SFR1: variants seen among roughly 807,000 people sequenced by gnomAD.
SFR1 encodes the protein swi5-dependent recombination DNA repair protein 1 homolog.
In SFR1, 24 loss-of-function variants were observed where a neutral mutation model predicts 26.2. The observed-to-expected ratio is 0.92, with a 90% confidence interval of 0.66 to 1.29. The LOEUF (loss-of-function observed/expected upper bound fraction) is 1.29. SFR1 is among the 50% of genes most tolerant of loss of function. The pLI, the probability that SFR1 is intolerant of heterozygous loss-of-function variation, is 0.00. For missense variants in SFR1, 276 were observed against 270.2 expected (o/e 1.02, Z -0.15); for synonymous variants, 77 against 96.6 (o/e 0.80, Z 1.19).
In SFR1 at chr10:104,123,839, A is replaced by G; in HGVS notation, c.261A>G (p.Pro87=). The G allele has an allele frequency of 6.2e-7, 1 of 1,613,138 alleles. No homozygotes were observed. The change falls in exon 3 of 4, where the codon CCA becomes CCG. Residue 87 remains proline, a synonymous_variant. Coordinates refer to ENST00000369727, the MANE Select transcript of SFR1 (RefSeq NM_001002759.2). The stretch of plus-strand genomic sequence containing the variant: ...ATGATCAGACCTTTTCAGAGAAACC[A>G]GCATCTTCCACAGAGGAAAACTGTT... The part of the protein sequence containing the change: ...EENDQTFSEK[P]ASSTEENCLE...
At position 104,125,875 on chromosome 10, in the gene SFR1, C is replaced by T. The variant is rs571953420; in HGVS notation, c.*171C>T. 1.7e-5 allele frequency: 8 copies of T among 458,778 alleles called. No individual in the cohort carries two copies. The South Asian group carries it at 2.1e-4, about 12-fold the overall frequency. 28.4% of individuals were successfully genotyped at this position (458,778 alleles called of 1,614,324 possible). A position where few individuals can be genotyped will look rare whatever the true frequency, so the allele number is the denominator to read the frequency against. On this transcript the variant is annotated 3_prime_UTR_variant, in exon 4 of 4. Transcript: ENST00000369727. ...CTGCCTCTCGGGTTCCAGCAATTCT[C>T]CTGCCTCAGCCTCCCGAGTAGCTGA...
chr10:104,122,352 G>GA, intron 1 of SFR1, 156 bp downstream of exon 1: 1 of 985,338 alleles, frequency 1.0e-6, no homozygotes, highest in Non-Finnish European at 1.2e-6. Flanking sequence ...GCAACGGGGG[G>GA]AAGGAGGGGA....
upstream of SFR1, chr10:104,122,074 T>A: frequency 7.6e-7 from 1 of 1,314,292 alleles, no homozygotes; most frequent in Non-Finnish European, 1.1e-6. Context: ...GCCTCGCGCG[T>A]CAGGCAATCT....
rs560903107 is a variant in SFR1 at position 104,123,203 on chromosome 10, A to G, written c.135+117A>G. The G allele has an allele frequency of 2.4e-4, 198 of 821,958 alleles. 1 individual carries two copies. The African/African-American group carries it at 3.1e-3, about 13-fold the overall frequency. 50.9% of individuals were successfully genotyped at this position (821,958 alleles called of 1,614,324 possible). A position where few individuals can be genotyped will look rare whatever the true frequency, so the allele number is the denominator to read the frequency against. ...AACATAATGTGTAGCATAAATAAGTAGACATTTTATTAAATAATTTTGTTT... is the reference window on the plus strand; with the variant it reads ...AACATAATGTGTAGCATAAATAAGTGGACATTTTATTAAATAATTTTGTTT... On this transcript the variant is annotated intron_variant, in intron 2 of 3. Transcript: ENST00000369727.
rs554687764 is a variant in SFR1 at position 104,123,446 on chromosome 10, C to G, written c.136-268C>G. 69 of 392,240 alleles carry G rather than the reference C, an allele frequency of 1.8e-4. 1 individual carries two copies. The South Asian group carries it at 3.2e-3, about 18-fold the overall frequency. The allele number at this position is 392,240 out of a possible 1,614,324, so 24.3% of individuals were successfully genotyped here. A position where few individuals can be genotyped will look rare whatever the true frequency, so the allele number is the denominator to read the frequency against. On this transcript the variant is annotated intron_variant, in intron 2 of 3. Coordinates refer to ENST00000369727, the MANE Select transcript of SFR1 (RefSeq NM_001002759.2). Reference sequence around the variant, plus strand: ...CACCTGGAGTACTATCAGGCATGTGCTTGTTACTGAACAAATGTTCCTTGA... The same window carrying G: ...CACCTGGAGTACTATCAGGCATGTGGTTGTTACTGAACAAATGTTCCTTGA...
chr10:104,125,541 T>C lies in SFR1; in HGVS notation c.575T>C (p.Ile192Thr). 6.2e-7 allele frequency: 1 copy of C among 1,612,496 alleles called. No individual in the cohort carries two copies. The highest frequency in any genetic ancestry group is 8.5e-7 in the Non-Finnish European group (1 of 1,179,506). ...KNDLSQLQLL[I>T]KKWRSCSQLL... ...GATCTGTCTCAGTTACAGTTGTTAATAAAGAAGTGGAGAAGCTGTAGCCAG... is the reference window on the plus strand; with the variant it reads ...GATCTGTCTCAGTTACAGTTGTTAACAAAGAAGTGGAGAAGCTGTAGCCAG... The change falls in exon 4 of 4, where the codon ATA (isoleucine) becomes ACA (threonine). Residue 192 changes from isoleucine (I) to threonine (T), a missense_variant. Transcript: ENST00000369727.
At chr10:104,125,382 C>A in intron 3 of SFR1, 131 bp from the exon 4 acceptor site, 1 of 656,626 alleles carries the variant, frequency 1.5e-6, no homozygotes, top group Non-Finnish European at 2.6e-6. Flanking sequence ...CCTACTTTTT[C>A]CTAGATAGAA....
In SFR1 at chr10:104,124,010, T is replaced by C; in HGVS notation, c.432T>C (p.Ser144=). The change falls in exon 3 of 4, where the codon AGT becomes AGC. Residue 144 remains serine (S), a synonymous_variant. Coordinates refer to ENST00000369727, the MANE Select transcript of SFR1 (RefSeq NM_001002759.2). ...SCSALQNEFV[S]EKLPKQRLNA... is the part of the protein sequence containing the mutation. ...GTGCTCTCCAAAATGAGTTTGTGAG[T>C]GAGAAGCTTCCTAAACAAAGATTAA... 2 of 1,614,020 alleles carry C rather than the reference T, an allele frequency of 1.2e-6. No homozygotes were observed. Among genetic ancestry groups the C allele is most frequent in the Non-Finnish European group, 1.7e-6 (2 of 1,179,964 alleles).
At chr10:104,121,219 G>A (rs2086957845), upstream of SFR1, among the ~76,000 whole-genome samples, 3 of 152,112 alleles carry the variant, frequency 2.0e-5, no homozygotes, top group South Asian at 6.2e-4. Flanking sequence ...TGATTGTTCT[G>A]CTTCCTGTGT....
At chr10:104,120,583 CATTAGGG>C (rs1455251734), upstream of SFR1, among the ~76,000 whole-genome samples, 1 of 152,012 alleles carries the variant, frequency 6.6e-6, no homozygotes, top group Non-Finnish European at 1.5e-5. Context: ...CCCTTAAATC[CATTAGGG>C]AATGGTGAAT....
chr10:104,122,416 C>G, intron 1 of SFR1: 2 of 985,408 alleles, frequency 2.0e-6, no homozygotes, highest in East Asian at 1.1e-4. Context: ...TCGGAGGAAG[C>G]AATTTCAGTC....
At chr10:104,123,480 A>G (rs1282679482) in intron 2 of SFR1, 2 of 420,718 alleles carry the variant, frequency 4.8e-6, no homozygotes, top group Admixed American at 4.1e-5. Context: ...GATTACTGGG[A>G]TAAACTTCTC....
chr10:104,121,257 C>T (rs1282594121), upstream of SFR1, among the ~76,000 whole-genome samples: 1 of 152,172 alleles, frequency 6.6e-6, no homozygotes, highest in African/African-American at 2.4e-5. Context: ...CCTTGGGCTA[C>T]ATTTTCCCTC....
chr10:104,123,241 GACATATATGACACCC>G (rs1353502991), intron 2 of SFR1, 155 bp downstream of exon 2: 48 of 581,788 alleles, frequency 8.3e-5, no homozygotes, highest in African/African-American at 7.0e-4. Flanking sequence ...CTTCTAAGGT[GACATATATGACACCC>G]ACCAGCCCCC....
chr10:104,121,957 A>C, upstream of SFR1: 6 of 467,308 alleles, frequency 1.3e-5, no homozygotes, highest in Non-Finnish European at 1.5e-5. Flanking sequence ...TAATTCTGCC[A>C]ATCATGCGTC....
Position 104,125,796 on chromosome 10 carries a change from G to A in SFR1, c.*92G>A, listed in dbSNP as rs1048104231. 2.8e-5 allele frequency: 22 copies of A among 792,992 alleles called. No homozygotes were observed. Among genetic ancestry groups the A allele is most frequent in the African/African-American group, 1.6e-4 (9 of 55,500 alleles). The allele number at this position is 792,992 out of a possible 1,614,324, so 49.1% of individuals were successfully genotyped here. On this transcript the variant is annotated 3_prime_UTR_variant, in exon 4 of 4. Transcript: ENST00000369727. ...TTTTTTTTTTTTGAGACTGAGTTTCGCTCTTGTCATCCTGGCTGGAGTGTG... is the reference window on the plus strand; with the variant it reads ...TTTTTTTTTTTTGAGACTGAGTTTCACTCTTGTCATCCTGGCTGGAGTGTG...
At chr10:104,122,068 C>T, upstream of SFR1, 1 of 1,273,836 alleles carries the variant, frequency 7.9e-7, no homozygotes, top group Non-Finnish European at 1.1e-6. Context: ...AGCGGCGCCT[C>T]GCGCGTCAGG....
upstream of SFR1, among the ~76,000 whole-genome samples, chr10:104,121,666 G>C (rs914646837): frequency 6.6e-6 from 1 of 152,200 alleles, no homozygotes; most frequent in African/African-American, 2.4e-5. Context: ...AGGGAGAGGA[G>C]ACTGACTGGA....
intron 3 of SFR1, among the ~76,000 whole-genome samples, chr10:104,124,546 T>G (rs916722578): frequency 1.0e-4 from 15 of 149,794 alleles, no homozygotes; most frequent in Admixed American, 3.3e-4. Context: ...CCATTTTATT[T>G]GAGAAAATAT....
Sources: allele counts gnomAD v4.1 joint callset (sites outside exome capture counted in the v4.1 genomes callset), GRCh38; gene constraint gnomAD v4.1.1; transcripts MANE v1.5; gene names NCBI Gene and HGNC (gene_info 2026-07-23, HGNC 2026-07-21).